The following SLC22A23 variants were observed in gnomAD, a reference collection of about 807,000 sequenced individuals.
The protein encoded by SLC22A23 is solute carrier family 22 member 23, also known as ion transporter protein.
A neutral mutation model predicts 61.0 loss-of-function variants in SLC22A23; 26 were observed. That is an observed-to-expected ratio of 0.43 (90% CI 0.31 to 0.59). SLC22A23 has a LOEUF of 0.59. SLC22A23 is among the 20% of genes least tolerant of loss of function. The pLI is 0.11. For synonymous variants in SLC22A23, 430 were observed against 413.9 expected, an observed-to-expected ratio of 1.04 and a Z score of -0.47; for missense variants, 796 against 934.7, an observed-to-expected ratio of 0.85 and a Z score of 1.94.
rs923083231 is a variant in SLC22A23, at chr6:3,427,200, G to A, written c.655-11345C>T. 1.3e-5 allele frequency among the ~76,000 whole-genome samples: 2 copies of A among 152,148 alleles called. No homozygotes were observed. The highest frequency in any genetic ancestry group is 4.8e-5 in the African/African-American group (2 of 41,424). ...TAGGAGTCGCAAAACCTTCACCAGA[G>A]GGTTGTTACAAGAGTCAAAAATAAC... is the stretch of plus-strand genomic sequence containing the variant. On this transcript the variant is annotated intron_variant, in intron 1 of 9. Transcript: ENST00000406686. This position sits in a 1 kb window ranked among gnomAD's most constrained non-coding sequence, Gnocchi z 4.3.
chr6:3,300,884 G>C (rs986394223), intron 4 of SLC22A23, among the ~76,000 whole-genome samples: 3 of 152,168 alleles, frequency 2.0e-5, no homozygotes, highest in African/African-American at 7.2e-5. Context: ...AGAGCTAAAA[G>C]CTGTCCTGCT....
At chr6:3,339,715 G>A (rs1478519665) in intron 3 of SLC22A23, among the ~76,000 whole-genome samples, 1 of 152,124 alleles carries the variant, frequency 6.6e-6, no homozygotes, top group Non-Finnish European at 1.5e-5. Context: ...CCATGGCAAC[G>A]TCAGGAAGTT....
chr6:3,347,773 T>C (rs760238433), intron 3 of SLC22A23, among the ~76,000 whole-genome samples: 1 of 152,330 alleles, frequency 6.6e-6, no homozygotes, highest in East Asian at 1.9e-4. Flanking sequence ...TCCTCTAATC[T>C]CCACTGGAGA....
chr6:3,372,942 TATC>T lies in SLC22A23; in HGVS notation c.913+37243_913+37245del, dbSNP rs1314131441. Among the ~76,000 whole-genome samples, 3 of 152,236 alleles carry T rather than the reference TATC, an allele frequency of 2.0e-5. No homozygotes were observed. Among genetic ancestry groups the T allele is most frequent in the Admixed American group, 2.0e-4 (3 of 15,292 alleles). On this transcript the variant is annotated intron_variant, in intron 3 of 9. Coordinates refer to ENST00000406686, the MANE Select transcript of SLC22A23 (RefSeq NM_015482.2). The surrounding 1 kb of genome is among the most constrained non-coding windows in gnomAD (Gnocchi z 4.7). Reference sequence around the variant, plus strand: ...CCCAGTCCGTGCCTTCAGCCTATGTTATCATGCAGGAAAGAATTAACCCATGAG... The same window carrying T: ...CCCAGTCCGTGCCTTCAGCCTATGTTATGCAGGAAAGAATTAACCCATGAG...
At position 3,286,927 on chromosome 6, in the gene SLC22A23, C is replaced by T. The variant is rs1402683969; in HGVS notation, c.1478G>A (p.Arg493Lys). Residue 493 changes from arginine to lysine, a missense_variant, in exon 7 of 10, where the codon AGG (arginine) becomes AAG (lysine). Transcript: ENST00000406686. The surrounding 1 kb of genome is among the most constrained non-coding windows in gnomAD (Gnocchi z 4.2). Reference sequence around the variant, plus strand: ...GATCATGAAGAGCAGCAGCCCTCCCCTGCGCCCGAGGAATCGGACCACCAC... The same window carrying T: ...GATCATGAAGAGCAGCAGCCCTCCCTTGCGCCCGAGGAATCGGACCACCAC... ...MCVVVRFLGR[R>K]GGLLLFMILT... 5 of 1,613,850 alleles carry T rather than the reference C, an allele frequency of 3.1e-6. No homozygotes were observed. Among genetic ancestry groups the T allele is most frequent in the Non-Finnish European group, 4.2e-6 (5 of 1,179,962 alleles).
chr6:3,402,688 C>T (rs1470933588), intron 3 of SLC22A23, among the ~76,000 whole-genome samples: 1 of 152,268 alleles, frequency 6.6e-6, no homozygotes, highest in East Asian at 1.9e-4. Flanking sequence ...CCTGACCCCA[C>T]AGAACTCACA....
chr6:3,427,932 C>T lies in SLC22A23; in HGVS notation c.655-12077G>A, dbSNP rs186569004. Among the ~76,000 whole-genome samples, 3 of 152,314 alleles carry T rather than the reference C, an allele frequency of 2.0e-5. No individual in the cohort carries two copies. The highest frequency in any genetic ancestry group is 2.9e-5 in the Non-Finnish European group (2 of 68,026). ...GGAGAGGAAGAAGGTCGGCTGCACC[C>T]GAGGTGGGGTGAGCCAGGAAGGCTC... is the stretch of plus-strand genomic sequence containing the variant. On this transcript the variant is annotated intron_variant, in intron 1 of 9. Transcript: ENST00000406686. This position sits in a 1 kb window ranked among gnomAD's most constrained non-coding sequence, Gnocchi z 4.3.
chr6:3,428,467 C>T (rs1424507860), intron 1 of SLC22A23, among the ~76,000 whole-genome samples: 6 of 152,138 alleles, frequency 3.9e-5, no homozygotes, highest in African/African-American at 1.4e-4. Flanking sequence ...ATCAGTGTCT[C>T]GGGCTTCATG....
chr6:3,417,691 T>A (rs1769822073), intron 1 of SLC22A23, among the ~76,000 whole-genome samples: 2 of 152,206 alleles, frequency 1.3e-5, no homozygotes, highest in South Asian at 4.1e-4. Context: ...GCCCTGCGAC[T>A]CTGAGAACTA....
chr6:3,403,798 A>G (rs956241253), intron 3 of SLC22A23, among the ~76,000 whole-genome samples: 2 of 152,318 alleles, frequency 1.3e-5, no homozygotes, highest in Admixed American at 1.3e-4. Context: ...ATAGTTTTCC[A>G]TTTGTTTTGT....
Position 3,327,044 on chromosome 6 carries a change from AGGG to A in SLC22A23, c.914-3045_914-3043del, listed in dbSNP as rs1763321832. ...CTGCAGGTGGATCGTTTCTGCTGGG[AGGG>A]ACGGGGACTGCAGGTGGATCGTTTC... is the stretch of plus-strand genomic sequence containing the variant. On this transcript the variant is annotated intron_variant, in intron 3 of 9. Coordinates refer to ENST00000406686, the MANE Select transcript of SLC22A23 (RefSeq NM_015482.2). The surrounding 1 kb of genome is among the most constrained non-coding windows in gnomAD (Gnocchi z 4.1). 6.7e-6 allele frequency among the ~76,000 whole-genome samples: 1 copy of A among 149,608 alleles called. No homozygotes were observed. The highest frequency in any genetic ancestry group is 2.5e-5 in the African/African-American group (1 of 40,426).
At position 3,380,023 on chromosome 6, in the gene SLC22A23, G is replaced by A. The variant is rs111867346; in HGVS notation, c.913+30165C>T. On this transcript the variant is annotated intron_variant, in intron 3 of 9. Transcript: ENST00000406686. The stretch of plus-strand genomic sequence containing the variant: ...CATGCCTGTGGGAGAGATAAAGAGA[G>A]GAAATGTGAGAACATAATGAGGGAT... 4.6e-4 allele frequency among the ~76,000 whole-genome samples: 70 copies of A among 152,252 alleles called. 2 individuals carry two copies. The highest frequency in any genetic ancestry group is 1.6e-3 in the African/African-American group (66 of 41,530).
At position 3,282,425 on chromosome 6, in the gene SLC22A23, C is replaced by T. The variant is rs904261787; in HGVS notation, c.1703+1427G>A. On this transcript the variant is annotated intron_variant, in intron 9 of 9. Coordinates refer to ENST00000406686, the MANE Select transcript of SLC22A23 (RefSeq NM_015482.2). ...GCTGTCAGGCTGGGCCTGTAGGATA[C>T]GATCCAAGAGAATGAATCAAAAAGT... 5 of 649,446 alleles carry T rather than the reference C, an allele frequency of 7.7e-6. No homozygotes were observed. The Middle Eastern group carries it at 1.2e-3, about 150-fold the overall frequency. The allele number at this position is 649,446 out of a possible 1,614,324, so 40.2% of individuals were successfully genotyped here.
In SLC22A23 at chr6:3,272,050, C is replaced by T. The variant is rs1017348345; in HGVS notation, c.*1005G>A. On this transcript the variant is annotated 3_prime_UTR_variant, in exon 10 of 10. Transcript: ENST00000406686. ...AGTGATGTCTGAGGTGACGGCCATCCAAGCTGGTGATCTTCATGGTGTGTG... is the reference window on the plus strand; with the variant it reads ...AGTGATGTCTGAGGTGACGGCCATCTAAGCTGGTGATCTTCATGGTGTGTG... 6.6e-6 allele frequency: 1 copy of T among 152,460 alleles called. No homozygotes were observed. The highest frequency in any genetic ancestry group is 2.4e-5 in the African/African-American group (1 of 41,454). 9.4% of individuals were successfully genotyped at this position (152,460 alleles called of 1,614,324 possible).
In SLC22A23 at chr6:3,308,724, C is replaced by T. The variant is rs928131822; in HGVS notation, c.1083-10506G>A. Among the ~76,000 whole-genome samples the T allele has an allele frequency of 1.3e-5, 2 of 152,144 alleles. No homozygotes were observed. Among genetic ancestry groups the T allele is most frequent in the African/African-American group, 4.8e-5 (2 of 41,420 alleles). On this transcript the variant is annotated intron_variant, in intron 4 of 9. Coordinates refer to ENST00000406686, the MANE Select transcript of SLC22A23 (RefSeq NM_015482.2). This position sits in a 1 kb window ranked among gnomAD's most constrained non-coding sequence, Gnocchi z 5.1. The stretch of plus-strand genomic sequence containing the variant: ...CTTTGGGAGGTCGAGGTGGGTGGAT[C>T]ATGAGGTAAGGAGTTCAAGACCAGC...
intron 3 of SLC22A23, among the ~76,000 whole-genome samples, chr6:3,392,910 G>A (rs1767758735): frequency 6.6e-6 from 1 of 152,218 alleles, no homozygotes; most frequent in Non-Finnish European, 1.5e-5. Flanking sequence ...GGAGTCTCTG[G>A]CCTATGGAGA....
rs1243252898 is a variant in SLC22A23, at chr6:3,325,460, C to G, written c.914-1458G>C. Among the ~76,000 whole-genome samples, 4 of 152,248 alleles carry G rather than the reference C, an allele frequency of 2.6e-5. No homozygotes were observed. The East Asian group carries it at 7.7e-4, about 29-fold the overall frequency. ...CAGCCACAAGCAAACAGATCATCAT[C>G]ATAGCTATCAGTGAACAAGAGAGAA... On this transcript the variant is annotated intron_variant, in intron 3 of 9. Transcript: ENST00000406686.
intron 2 of SLC22A23, among the ~76,000 whole-genome samples, chr6:3,411,066 T>C (rs1769201263): frequency 6.6e-6 from 1 of 152,176 alleles, no homozygotes; most frequent in Admixed American, 6.5e-5. Context: ...GCTGGCCAGT[T>C]TCAGATCAGT....
chr6:3,288,122 C>G (rs1760222803), intron 6 of SLC22A23, among the ~76,000 whole-genome samples: 1 of 152,212 alleles, frequency 6.6e-6, no homozygotes, highest in East Asian at 1.9e-4. Context: ...TGGCTGCACC[C>G]TCCCACGGAG....
Sources: allele counts gnomAD v4.1 joint callset (sites outside exome capture counted in the v4.1 genomes callset), GRCh38; gene constraint gnomAD v4.1.1; non-coding constraint Gnocchi (gnomAD v3.1); transcripts MANE v1.5; gene names NCBI Gene and HGNC (gene_info 2026-07-23, HGNC 2026-07-21).